The following ICAM1 variants were observed in gnomAD, a reference collection of about 807,000 sequenced individuals.
The protein encoded by ICAM1 is ICAM-1.
In ICAM1, 28 loss-of-function variants were observed where a neutral mutation model predicts 42.3. The ratio of observed to expected loss-of-function variants is 0.66; its 90% confidence interval spans 0.49 to 0.91. ICAM1 has a LOEUF of 0.91. ICAM1 is among the 40% of genes least tolerant of loss of function. The probability of loss-of-function intolerance (pLI) is 0.00; values close to 1 mark genes in which losing one functional copy is unlikely to be tolerated. For missense variants in ICAM1, 637 were observed against 688.6 expected (o/e 0.93, Z 0.84); for synonymous variants, 304 against 305.9 (o/e 0.99, Z 0.07).
rs758390481 is a variant in ICAM1, at chr19:10,283,994, G to A, written c.638-39G>A. The A allele has an allele frequency of 8.4e-5, 133 of 1,589,016 alleles. No individual in the cohort carries two copies. In the East Asian group the frequency reaches 1.9e-3, roughly 23 times the overall value. On this transcript the variant is annotated intron_variant, in intron 3 of 6. Coordinates refer to ENST00000264832, the MANE Select transcript of ICAM1 (RefSeq NM_000201.3). The stretch of plus-strand genomic sequence containing the variant: ...ATGCCCCAGAGAAGGGCTTCGGGAC[G>A]TCCATCCCTGTCTGCTCACACCTTT...
chr19:10,271,204 C>G lies in ICAM1; in HGVS notation c.45C>G (p.Val15=). ...GGCCCGCGCTGCCCGCACTCCTGGT[C>G]CTGCTCGGGGCTCTGTTCCCAGGTG... ...SPRPALPALL[V]LLGALFPGPG... The change falls in exon 1 of 7, where the codon GTC becomes GTG. Residue 15 remains valine (V), a synonymous_variant. Transcript: ENST00000264832. 6.8e-6 allele frequency: 11 copies of G among 1,613,434 alleles called. No individual in the cohort carries two copies. The highest frequency in any genetic ancestry group is 9.3e-6 in the Non-Finnish European group (11 of 1,179,860).
chr19:10,273,795 C>CT (rs2039998061), intron 1 of ICAM1, among the ~76,000 whole-genome samples: 1 of 152,134 alleles, frequency 6.6e-6, no homozygotes. Flanking sequence ...GGGCGGATCA[C>CT]TTGAGGCCAG....
At chr19:10,277,915 C>A (rs555974669) in intron 2 of ICAM1, among the ~76,000 whole-genome samples, 1 of 152,210 alleles carries the variant, frequency 6.6e-6, no homozygotes, top group African/African-American at 2.4e-5. Flanking sequence ...GAGCACTGGG[C>A]AGGCTAGGCA....
In ICAM1 at chr19:10,284,441, G is replaced by T. The variant is rs754356021; in HGVS notation, c.964G>T (p.Val322Phe). The change falls in exon 5 of 7, where the codon GTC becomes TTC. Residue 322 changes from valine (V) to phenylalanine (F), a missense_variant. Coordinates refer to ENST00000264832, the MANE Select transcript of ICAM1 (RefSeq NM_000201.3). This position sits in a 1 kb window ranked among gnomAD's most constrained non-coding sequence, Gnocchi z 5.4. ...APNVILTKPE[V>F]SEGTEVTVKC... is the part of the protein sequence containing the mutation. ...CAACGTGATTCTGACGAAGCCAGAG[G>T]TCTCAGAAGGGACCGAGGTGACAGT... The T allele has an allele frequency of 6.2e-7, 1 of 1,613,904 alleles. No individual in the cohort carries two copies. The highest frequency in any genetic ancestry group is 8.5e-7 in the Non-Finnish European group (1 of 1,180,022).
chr19:10,282,952 G>A (rs1055816716), intron 2 of ICAM1, among the ~76,000 whole-genome samples: 10 of 152,106 alleles, frequency 6.6e-5, no homozygotes, highest in African/African-American at 2.4e-4. Context: ...GGCAGAGGTT[G>A]CAGTGAGCCA....
intron 1 of ICAM1, 61 bp downstream of exon 1, chr19:10,271,287 C>G: frequency 6.7e-7 from 1 of 1,482,044 alleles, no homozygotes; most frequent in Middle Eastern, 1.7e-4. Flanking sequence ...GGACCGGCTC[C>G]CGGGTCAGGT....
chr19:10,278,802 G>A (rs146652962), intron 2 of ICAM1, among the ~76,000 whole-genome samples: 16 of 151,954 alleles, frequency 1.1e-4, no homozygotes, highest in African/African-American at 3.4e-4. Context: ...TCAGCCTCCC[G>A]AAGTGCTGGG....
chr19:10,280,332 TA>T (rs201947079), intron 2 of ICAM1, among the ~76,000 whole-genome samples: 3 of 151,966 alleles, frequency 2.0e-5, no homozygotes, highest in Non-Finnish European at 2.9e-5. Context: ...TATATATATA[TA>T]TTTTTTTGTT....
In ICAM1 at chr19:10,271,184, G is replaced by C; in HGVS notation, c.25G>C (p.Ala9Pro). 1 of 1,613,162 alleles carries C rather than the reference G, an allele frequency of 6.2e-7. No individual in the cohort carries two copies. Among genetic ancestry groups the C allele is most frequent in the South Asian group, 1.1e-5 (1 of 91,006 alleles). Residue 9 changes from alanine (A) to proline (P), a missense_variant, in exon 1 of 7, where the codon GCG becomes CCG. Coordinates refer to ENST00000264832, the MANE Select transcript of ICAM1 (RefSeq NM_000201.3). Reference sequence around the variant, plus strand: ...TATGGCTCCCAGCAGCCCCCGGCCCGCGCTGCCCGCACTCCTGGTCCTGCT... The same window carrying C: ...TATGGCTCCCAGCAGCCCCCGGCCCCCGCTGCCCGCACTCCTGGTCCTGCT... MAPSSPRP[A>P]LPALLVLLGA...
In ICAM1 at chr19:10,271,839, G is replaced by T. The variant is rs562268508; in HGVS notation, c.67+613G>T. On this transcript the variant is annotated intron_variant, in intron 1 of 6. Coordinates refer to ENST00000264832, the MANE Select transcript of ICAM1 (RefSeq NM_000201.3). ...GAATTCCAGAGCTGACTTATCCGTG[G>T]CCCAAAGCTGAGAAGTGGGACGCCC... is the stretch of plus-strand genomic sequence containing the variant. Among the ~76,000 whole-genome samples, 4 of 152,118 alleles carry T rather than the reference G, an allele frequency of 2.6e-5. No individual in the cohort carries two copies. The East Asian group carries it at 7.7e-4, about 29-fold the overall frequency.
chr19:10,277,254 C>T (rs766589253), intron 2 of ICAM1, among the ~76,000 whole-genome samples: 13 of 152,054 alleles, frequency 8.5e-5, no homozygotes, highest in Non-Finnish European at 1.3e-4. Flanking sequence ...GATCTCAGCT[C>T]ACCGCAACCT....
intron 2 of ICAM1, among the ~76,000 whole-genome samples, chr19:10,277,913 G>A (rs2145493019): frequency 6.6e-6 from 1 of 152,294 alleles, no homozygotes; most frequent in South Asian, 2.1e-4. Flanking sequence ...AAGAGCACTG[G>A]GCAGGCTAGG....
intron 1 of ICAM1, among the ~76,000 whole-genome samples, chr19:10,271,679 C>T (rs191104878): frequency 6.6e-6 from 1 of 152,176 alleles, no homozygotes; most frequent in Non-Finnish European, 1.5e-5. Context: ...CCCCAGGACT[C>T]GATCATGATG....
rs960751189 is a variant in ICAM1, at chr19:10,273,182, G to T, written c.68-1583G>T. Among the ~76,000 whole-genome samples the T allele has an allele frequency of 2.0e-5, 3 of 151,780 alleles. No homozygotes were observed. The East Asian group carries it at 5.9e-4, about 30-fold the overall frequency. On this transcript the variant is annotated intron_variant, in intron 1 of 6. Transcript: ENST00000264832. ...GAGACCAGCCTTAGCAACATAGTGAGACCCCATCTCTACAAAAATGTTTTT... is the reference window on the plus strand; with the variant it reads ...GAGACCAGCCTTAGCAACATAGTGATACCCCATCTCTACAAAAATGTTTTT...
intron 3 of ICAM1, 22 bp downstream of exon 3, chr19:10,283,808 A>C: frequency 2.3e-6 from 3 of 1,290,526 alleles, no homozygotes; most frequent in East Asian, 2.4e-5. Context: ...AGAAGCCAGC[A>C]GGGAGAAGGT....
rs1418143643 is a variant in ICAM1 at position 10,283,172 on chromosome 19, C to T, written c.332-309C>T. On this transcript the variant is annotated intron_variant, in intron 2 of 6. Coordinates refer to ENST00000264832, the MANE Select transcript of ICAM1 (RefSeq NM_000201.3). The stretch of plus-strand genomic sequence containing the variant: ...TGAGCCAAGATCGAGCCACTGTTTG[C>T]CCAGTCTAGTGCACTGGGCTGCTGA... The T allele has an allele frequency of 1.2e-5, 3 of 252,352 alleles. No homozygotes were observed. In the East Asian group the frequency reaches 2.2e-4, roughly 19 times the overall value. 15.6% of individuals were successfully genotyped at this position (252,352 alleles called of 1,614,324 possible).
intron 2 of ICAM1, among the ~76,000 whole-genome samples, chr19:10,279,061 G>C (rs2040037211): frequency 6.6e-6 from 1 of 152,198 alleles, no homozygotes. Flanking sequence ...TAAACATAAA[G>C]AAGCCTCCCT....
chr19:10,276,262 A>G (rs1217680528), intron 2 of ICAM1, among the ~76,000 whole-genome samples: 1 of 151,068 alleles, frequency 6.6e-6, no homozygotes, highest in African/African-American at 2.4e-5. Flanking sequence ...AAAAGAATTG[A>G]TGGCCGGGCG....
intron 1 of ICAM1, among the ~76,000 whole-genome samples, chr19:10,272,560 C>CTTTTTTTTTTT (rs1174775027): frequency 4.8e-4 from 27 of 56,128 alleles, no homozygotes; most frequent in East Asian, 8.2e-4. Context: ...CTTTTCTTTT[C>CTTTTTTTTTTT]TTTTTTTTTT....
Sources: gnomAD v4.1 joint callset for allele counts (sites outside exome capture counted in the v4.1 genomes callset) on GRCh38, gnomAD v4.1.1 for gene constraint, Gnocchi (gnomAD v3.1) non-coding constraint, MANE v1.5 for transcripts, NCBI Gene and HGNC (gene_info 2026-07-23, HGNC 2026-07-21) for gene names.